HMBOX1: variants seen among roughly 807,000 people sequenced by gnomAD.
The protein encoded by HMBOX1 is homeobox-containing protein 1.
A neutral mutation model predicts 54.5 loss-of-function variants in HMBOX1; 14 were observed. The ratio of observed to expected loss-of-function variants is 0.26; its 90% CI spans 0.17 to 0.40. HMBOX1 has a LOEUF of 0.40. Ranked by LOEUF, HMBOX1 falls within the 10% of genes least tolerant of loss-of-function variation. HMBOX1 has a pLI of 1.00. For synonymous variants in HMBOX1, 160 were observed against 181.0 expected, an observed-to-expected ratio of 0.88 and a Z score of 0.93; for missense variants, 332 against 514.4, an observed-to-expected ratio of 0.65 and a Z score of 3.43.
At position 29,051,239 on chromosome 8, in the gene HMBOX1, AC is replaced by A. The variant is rs1348794952; in HGVS notation, c.*85del. 2.7e-6 allele frequency: 4 copies of A among 1,464,840 alleles called. No individual in the cohort carries two copies. The African/African-American group carries it at 5.6e-5, about 20-fold the overall frequency. 90.7% of individuals were successfully genotyped at this position (1,464,840 alleles called of 1,614,324 possible). A position where few individuals can be genotyped will look rare whatever the true frequency, so the allele number is the denominator to read the frequency against. On this transcript the variant is annotated 3_prime_UTR_variant, in exon 10 of 10. Transcript: ENST00000287701. ...TCCTCGGTCCTTAACATGTGTTCTT[AC>A]AGTATAACTTGCAGTTTCTTGTATG...
At chr8:29,048,793 A>G (rs1228177206) in intron 8 of HMBOX1, among the ~76,000 whole-genome samples, 161 bp from the exon 9 acceptor site, 2 of 152,204 alleles carry the variant, frequency 1.3e-5, no homozygotes, top group East Asian at 1.9e-4. Flanking sequence ...ATGCAGTTGA[A>G]TTTCATCCAT....
intron 6 of HMBOX1, among the ~76,000 whole-genome samples, chr8:29,030,499 G>T (rs1236633087): frequency 7.9e-5 from 12 of 152,142 alleles, no homozygotes; most frequent in Admixed American, 7.2e-4. Context: ...GATTACAGGT[G>T]TGAGCCACAA....
At position 28,940,859 on chromosome 8, in the gene HMBOX1, C is replaced by T. The variant is rs114407417; in HGVS notation, c.-57-22952C>T. On this transcript the variant is annotated intron_variant, in intron 1 of 9. Transcript: ENST00000287701. ...AAGGTTCTATTCACATATAAAATTA[C>T]GTTAAATAGCTCCTGATTTAAGTGG... is the stretch of plus-strand genomic sequence containing the variant. Among the ~76,000 whole-genome samples, 494 of 152,240 alleles carry T rather than the reference C, an allele frequency of 3.2e-3. 6 individuals are homozygous for T. Among genetic ancestry groups the T allele is most frequent in the African/African-American group, 0.011 (459 of 41,520 alleles).
At chr8:28,975,445 T>C (rs1828210427) in intron 3 of HMBOX1, among the ~76,000 whole-genome samples, 1 of 152,206 alleles carries the variant, frequency 6.6e-6, no homozygotes, top group Admixed American at 6.5e-5. Context: ...AACTGATGAA[T>C]TCATCCAGAT....
At chr8:28,952,395 G>T (rs566190169) in intron 1 of HMBOX1, among the ~76,000 whole-genome samples, 1 of 151,754 alleles carries the variant, frequency 6.6e-6, no homozygotes, top group Non-Finnish European at 1.5e-5. Context: ...CACCGCTTCC[G>T]GCTAATTTTT....
chr8:29,048,682 A>T (rs1165401397), intron 8 of HMBOX1: 8 of 340,026 alleles, frequency 2.4e-5, no homozygotes, highest in African/African-American at 4.1e-5. Flanking sequence ...GAACCCCAAG[A>T]TAGGAAGACT....
At chr8:29,011,517 C>G (rs1335411911) in intron 5 of HMBOX1, among the ~76,000 whole-genome samples, 2 of 152,160 alleles carry the variant, frequency 1.3e-5, no homozygotes, top group African/African-American at 4.8e-5. Flanking sequence ...GGATAATCAA[C>G]TGGTAAGGCC....
At chr8:28,996,277 ATT>A (rs1491167192) in intron 4 of HMBOX1, among the ~76,000 whole-genome samples, 28,820 of 152,032 alleles carry the variant, frequency 0.19, 3,076 homozygotes, top group South Asian at 0.29. Context: ...TACAAGTTGA[ATT>A]CTTTATATAA....
At chr8:28,966,287 C>T (rs1826426035) in intron 2 of HMBOX1, among the ~76,000 whole-genome samples, 1 of 152,154 alleles carries the variant, frequency 6.6e-6, no homozygotes, top group Non-Finnish European at 1.5e-5. Flanking sequence ...CTTAGAATAT[C>T]AGTTTATGAA....
At chr8:28,892,417 T>G (rs1811192190) in intron 1 of HMBOX1, among the ~76,000 whole-genome samples, 1 of 152,226 alleles carries the variant, frequency 6.6e-6, no homozygotes, top group Non-Finnish European at 1.5e-5. Flanking sequence ...TATTTTGTAC[T>G]TCCTTATTAA....
intron 1 of HMBOX1, among the ~76,000 whole-genome samples, chr8:28,916,087 TTTGTC>T (rs1166808956): frequency 6.6e-6 from 1 of 152,186 alleles, no homozygotes; most frequent in Non-Finnish European, 1.5e-5. Flanking sequence ...TAGTTTCTAC[TTTGTC>T]TTAAGGCTGG....
chr8:28,996,175 A>G (rs1831798309), intron 4 of HMBOX1, among the ~76,000 whole-genome samples: 1 of 152,036 alleles, frequency 6.6e-6, no homozygotes, highest in African/African-American at 2.4e-5. Flanking sequence ...TGAAGTGTTA[A>G]GAGTTCTTTA....
At chr8:29,043,496 A>T (rs1259602900) in intron 6 of HMBOX1, among the ~76,000 whole-genome samples, 1 of 152,282 alleles carries the variant, frequency 6.6e-6, no homozygotes, top group Non-Finnish European at 1.5e-5. Flanking sequence ...GTAGACTGTG[A>T]ACACTTCAGA....
chr8:28,938,755 A>G (rs1820828914), intron 1 of HMBOX1, among the ~76,000 whole-genome samples: 2 of 148,076 alleles, frequency 1.4e-5, no homozygotes, highest in South Asian at 2.2e-4. Context: ...GGCCAGGGGT[A>G]TCTTTTCATT....
At position 29,018,784 on chromosome 8, in the gene HMBOX1, C is replaced by A. The variant is rs753345279; in HGVS notation, c.722C>A (p.Ala241Asp). Residue 241 changes from alanine to aspartate, a missense_variant, in exon 6 of 10, where the codon GCC becomes GAC. By Grantham distance (126) the Ala-to-Asp change is moderately radical. Coordinates refer to ENST00000287701, the MANE Select transcript of HMBOX1 (RefSeq NM_001135726.3). ...NPGATLSMRP[A>D]PIPIEDPEWR... ...GGCGCTACACTAAGTATGAGACCAG[C>A]CCCCATTCCAATAGAGGACCCTGAA... 1 of 1,614,080 alleles carries A rather than the reference C, an allele frequency of 6.2e-7. No homozygotes were observed. The highest frequency in any genetic ancestry group is 8.5e-7 in the Non-Finnish European group (1 of 1,179,962).
intron 1 of HMBOX1, among the ~76,000 whole-genome samples, chr8:28,897,697 T>C (rs997489913): frequency 6.6e-6 from 1 of 152,130 alleles, no homozygotes; most frequent in African/African-American, 2.4e-5. Context: ...CAAAAAAAGA[T>C]TTAAATTTTA....
rs972135249 is a variant in HMBOX1, at chr8:29,051,462, C to G, written c.*307C>G. The G allele has an allele frequency of 1.2e-5, 8 of 692,772 alleles. No individual in the cohort carries two copies. In the African/African-American group the frequency reaches 1.4e-4, roughly 12 times the overall value. The allele number at this position is 692,772 out of a possible 1,614,324, so 42.9% of individuals were successfully genotyped here. A position where few individuals can be genotyped will look rare whatever the true frequency, so the allele number is the denominator to read the frequency against. ...AAGTGCTTCCAGGTATTTAGATAGC[C>G]CTCAGTTCTCAAATATTAGACTACG... is the stretch of plus-strand genomic sequence containing the variant. On this transcript the variant is annotated 3_prime_UTR_variant, in exon 10 of 10. Transcript: ENST00000287701.
chr8:28,936,005 G>T (rs1201847803), intron 1 of HMBOX1, among the ~76,000 whole-genome samples: 1 of 151,926 alleles, frequency 6.6e-6, no homozygotes, highest in African/African-American at 2.4e-5. Flanking sequence ...AAATAGAAAA[G>T]AATATATATA....
chr8:28,964,799 C>A (rs185481497), intron 2 of HMBOX1, among the ~76,000 whole-genome samples: 1 of 149,704 alleles, frequency 6.7e-6, no homozygotes, highest in Non-Finnish European at 1.5e-5. Context: ...AACTGTAGCC[C>A]GACTTTCTGC....
Sources: gnomAD v4.1 joint callset for allele counts (sites outside exome capture counted in the v4.1 genomes callset) on GRCh38, gnomAD v4.1.1 for gene constraint, MANE v1.5 for transcripts, NCBI Gene and HGNC (gene_info 2026-07-23, HGNC 2026-07-21) for gene names.